Variants in AGBL4 observed in about 807,000 individuals in gnomAD.
AGBL4 encodes cytosolic carboxypeptidase 6.
A neutral mutation model predicts 66.4 loss-of-function variants in AGBL4; 58 were observed. The observed-to-expected ratio is 0.87, with a 90% CI of 0.71 to 1.09. AGBL4 has a LOEUF of 1.09. AGBL4 is among the 50% of genes least tolerant of loss of function. The probability of loss-of-function intolerance (pLI) is 0.00; values close to 1 mark genes in which losing one functional copy is unlikely to be tolerated. For missense variants in AGBL4, 579 were observed against 631.0 expected, an observed-to-expected ratio of 0.92 and a Z score of 0.88; for synonymous variants, 234 against 222.9, an observed-to-expected ratio of 1.05 and a Z score of -0.44.
At chr1:49,752,583 G>C (rs1651562393) in intron 2 of AGBL4, among the ~76,000 whole-genome samples, 1 of 152,062 alleles carries the variant, frequency 6.6e-6, no homozygotes, top group African/African-American at 2.4e-5. Flanking sequence ...ACGTCTATTG[G>C]GTCCACCTGG....
intron 1 of AGBL4, among the ~76,000 whole-genome samples, chr1:49,961,084 A>G (rs1657083462): frequency 6.6e-6 from 1 of 152,146 alleles, no homozygotes; most frequent in Non-Finnish European, 1.5e-5. Flanking sequence ...AAGCATCACC[A>G]AAGAGTTTTA....
intron 4 of AGBL4, among the ~76,000 whole-genome samples, chr1:49,089,811 G>A (rs1367476943): frequency 6.6e-6 from 1 of 151,936 alleles, no homozygotes; most frequent in East Asian, 1.9e-4. Flanking sequence ...AAAACTTCAG[G>A]CCAGTATCCT....
intron 1 of AGBL4, among the ~76,000 whole-genome samples, chr1:49,855,012 C>G (rs1214729365): frequency 1.3e-5 from 2 of 152,142 alleles, no homozygotes; most frequent in Admixed American, 6.5e-5. Flanking sequence ...TCCTGCTGCA[C>G]TGTGAAGAGG....
rs529909722 is a variant in AGBL4 at position 48,867,707 on chromosome 1, A to G, written c.595-477T>C. On this transcript the variant is annotated intron_variant, in intron 5 of 13. Transcript: ENST00000371839. ...CTCCAGATACTTCTTTTTAACCAAG[A>G]TATTTCTAGATTGGTTTCATTCTTA... Among the ~76,000 whole-genome samples, 4 of 152,278 alleles carry G rather than the reference A, an allele frequency of 2.6e-5. No individual in the cohort carries two copies. The South Asian group carries it at 8.3e-4, about 32-fold the overall frequency.
intron 2 of AGBL4, among the ~76,000 whole-genome samples, chr1:49,769,931 A>AG (rs1644006381): frequency 6.6e-6 from 1 of 152,222 alleles, no homozygotes; most frequent in Admixed American, 6.5e-5. Flanking sequence ...ATTCATCAAA[A>AG]GCAATTGCAA....
chr1:49,840,910 T>C (rs539270280), intron 2 of AGBL4, among the ~76,000 whole-genome samples: 2 of 152,284 alleles, frequency 1.3e-5, no homozygotes, highest in Non-Finnish European at 2.9e-5. Flanking sequence ...TGAATAGGAA[T>C]AAGCCGGAAG....
At chr1:49,235,919 C>T (rs1650697044) in intron 4 of AGBL4, among the ~76,000 whole-genome samples, 1 of 152,220 alleles carries the variant, frequency 6.6e-6, no homozygotes, top group Non-Finnish European at 1.5e-5. Flanking sequence ...AAACTCAAGT[C>T]TATATTATCT....
chr1:49,200,113 C>T (rs1476569426), intron 4 of AGBL4, among the ~76,000 whole-genome samples: 7 of 152,116 alleles, frequency 4.6e-5, no homozygotes, highest in Non-Finnish European at 8.8e-5. Context: ...GAAAACAAGG[C>T]AGGCAGGGTG....
intron 5 of AGBL4, among the ~76,000 whole-genome samples, chr1:49,009,395 C>G (rs1249224061): frequency 2.7e-5 from 4 of 149,740 alleles, no homozygotes; most frequent in African/African-American, 9.7e-5. Context: ...AATAGCTTAC[C>G]AACCAAAAAG....
At position 48,619,173 on chromosome 1, in the gene AGBL4, C is replaced by T. The variant is rs544571928; in HGVS notation, c.951+15320G>A. On this transcript the variant is annotated intron_variant, in intron 9 of 13. Coordinates refer to ENST00000371839, the MANE Select transcript of AGBL4 (RefSeq NM_032785.4). ...ACCAGTTGTGTGACCTTGCAGGTTTCAACTGCTTTTCATTTGTTCTGCCAT... is the reference window on the plus strand; with the variant it reads ...ACCAGTTGTGTGACCTTGCAGGTTTTAACTGCTTTTCATTTGTTCTGCCAT... 3.9e-5 allele frequency among the ~76,000 whole-genome samples: 6 copies of T among 152,278 alleles called. No homozygotes were observed. In the South Asian group the frequency reaches 1.2e-3, roughly 32 times the overall value.
At chr1:48,875,563 C>T (rs1439668652) in intron 5 of AGBL4, among the ~76,000 whole-genome samples, 1 of 152,132 alleles carries the variant, frequency 6.6e-6, no homozygotes, top group Non-Finnish European at 1.5e-5. Flanking sequence ...GTTTCTGCTC[C>T]TGTAACTCTC....
intron 3 of AGBL4, among the ~76,000 whole-genome samples, chr1:49,443,867 G>T (rs912228417): frequency 6.6e-6 from 1 of 151,410 alleles, no homozygotes; most frequent in Non-Finnish European, 1.5e-5. Flanking sequence ...CTGCTGATTT[G>T]TGATCTTTCT....
chr1:48,976,256 A>T (rs1261653728), intron 5 of AGBL4, among the ~76,000 whole-genome samples: 1 of 152,140 alleles, frequency 6.6e-6, no homozygotes, highest in African/African-American at 2.4e-5. Flanking sequence ...TAGTCTCCTT[A>T]TCCAGACTTC....
chr1:48,987,591 C>T (rs1660277455), intron 5 of AGBL4, among the ~76,000 whole-genome samples: 1 of 151,990 alleles, frequency 6.6e-6, no homozygotes, highest in Non-Finnish European at 1.5e-5. Context: ...CAATAATTGA[C>T]AGATTACATA....
intron 3 of AGBL4, among the ~76,000 whole-genome samples, chr1:49,661,365 C>T (rs142166101): frequency 6.6e-6 from 1 of 152,138 alleles, no homozygotes; most frequent in Non-Finnish European, 1.5e-5. Flanking sequence ...TAGTGGGAGG[C>T]GTTTGGGTCA....
At chr1:49,298,346 T>TC (rs908853663) in intron 3 of AGBL4, among the ~76,000 whole-genome samples, 8 of 152,050 alleles carry the variant, frequency 5.3e-5, no homozygotes, top group African/African-American at 1.9e-4. Context: ...ATCTCCCCTC[T>TC]CCCCCCAGGT....
intron 3 of AGBL4, among the ~76,000 whole-genome samples, chr1:49,525,174 C>T (rs1650560106): frequency 6.6e-6 from 1 of 151,976 alleles, no homozygotes; most frequent in African/African-American, 2.4e-5. Context: ...ACAATATAGA[C>T]AAGATCCTTG....
In AGBL4 at chr1:49,734,806, T is replaced by A. The variant is rs1018751204; in HGVS notation, c.158-37369A>T. 5.2e-5 allele frequency among the ~76,000 whole-genome samples: 7 copies of A among 134,572 alleles called. No homozygotes were observed. The South Asian group carries it at 1.4e-3, about 28-fold the overall frequency. 88.3% of individuals were successfully genotyped at this position (134,572 alleles called of 152,430 possible). A position where few individuals can be genotyped will look rare whatever the true frequency, so the allele number is the denominator to read the frequency against. ...TATTAAAATAATCTATAATAGCAAA[T>A]AGCAAAAAATTTTAAAAATAATAAT... On this transcript the variant is annotated intron_variant, in intron 2 of 13. Coordinates refer to ENST00000371839, the MANE Select transcript of AGBL4 (RefSeq NM_032785.4).
Position 49,561,958 on chromosome 1 carries a change from C to T in AGBL4, c.282+135355G>A, listed in dbSNP as rs1644058757. On this transcript the variant is annotated intron_variant, in intron 3 of 13. Coordinates refer to ENST00000371839, the MANE Select transcript of AGBL4 (RefSeq NM_032785.4). ...AAGTGTTCCTATTTCTCCACATCCT[C>T]TCCAGCACCTGTTGTTTCCTGACTT... Among the ~76,000 whole-genome samples the T allele has an allele frequency of 2.0e-5, 3 of 152,134 alleles. No homozygotes were observed. The South Asian group carries it at 6.2e-4, about 32-fold the overall frequency.
Sources: allele counts gnomAD v4.1 joint callset (sites outside exome capture counted in the v4.1 genomes callset), GRCh38; gene constraint gnomAD v4.1.1; transcripts MANE v1.5; gene names NCBI Gene and HGNC (gene_info 2026-07-23, HGNC 2026-07-21).